UMAD1: variants seen among roughly 807,000 people sequenced by gnomAD.
The protein encoded by UMAD1 is UBAP1-MVB12-associated (UMA)-domain containing protein 1.
A neutral mutation model predicts 6.1 loss-of-function variants in UMAD1; 8 were observed. The observed-to-expected ratio is 1.30, with a 90% confidence interval of 0.76 to 2.35. The LOEUF (loss-of-function observed/expected upper bound fraction) is 2.35, where lower values mean the gene tolerates loss of function less well. Among genes scored for constraint, UMAD1 ranks in the 30% most tolerant of loss-of-function variants. The probability of loss-of-function intolerance (pLI) is 0.00; values close to 1 mark genes in which losing one functional copy is unlikely to be tolerated. For synonymous variants in UMAD1, 56 were observed against 31.4 expected, an observed-to-expected ratio of 1.78 and a Z score of -2.61; for missense variants, 130 against 78.4, an observed-to-expected ratio of 1.66 and a Z score of -2.49.
chr7:7,656,716 T>C (rs573647386), intron 1 of UMAD1, among the ~76,000 whole-genome samples: 1 of 152,380 alleles, frequency 6.6e-6, no homozygotes, highest in South Asian at 2.1e-4. Flanking sequence ...CAGTCTATCA[T>C]TGATCGGCAT....
At chr7:7,647,613 T>C (rs866525779) in intron 1 of UMAD1, among the ~76,000 whole-genome samples, 5 of 152,296 alleles carry the variant, frequency 3.3e-5, no homozygotes, top group Admixed American at 2.0e-4. Flanking sequence ...GCTATATATA[T>C]ACATTTCTTT....
intron 2 of UMAD1, among the ~76,000 whole-genome samples, chr7:7,766,709 C>G (rs972475363): frequency 6.6e-6 from 1 of 152,160 alleles, no homozygotes; most frequent in African/African-American, 2.4e-5. Flanking sequence ...GTTTTAAAAA[C>G]TTACCTAGTA....
At chr7:7,786,470 A>G (rs1343629479) in intron 2 of UMAD1, among the ~76,000 whole-genome samples, 3 of 152,304 alleles carry the variant, frequency 2.0e-5, no homozygotes, top group Non-Finnish European at 4.4e-5. Context: ...AATGTCAACC[A>G]TCATCATTTA....
chr7:7,788,184 A>C (rs1583825380), intron 2 of UMAD1, among the ~76,000 whole-genome samples: 1 of 152,224 alleles, frequency 6.6e-6, no homozygotes, highest in East Asian at 1.9e-4. Flanking sequence ...TAATTAAGTG[A>C]TTGCATATGT....
rs149069903 is a variant in UMAD1, at chr7:7,800,469, G to A, written c.83-1201G>A. Among the ~76,000 whole-genome samples, 409 of 151,916 alleles carry A rather than the reference G, an allele frequency of 2.7e-3. 2 individuals carry two copies. The highest frequency in any genetic ancestry group is 9.5e-3 in the African/African-American group (392 of 41,404). ...TTTTTTTTATTGCAATAGGTTTTGG[G>A]GGAACAGATGGTGTTTGGTACATGA... is the stretch of plus-strand genomic sequence containing the variant. On this transcript the variant is annotated intron_variant, in intron 2 of 3. Transcript: ENST00000682710.
At chr7:7,778,379 T>G (rs528065239) in intron 2 of UMAD1, among the ~76,000 whole-genome samples, 99 of 152,232 alleles carry the variant, frequency 6.5e-4, no homozygotes, top group African/African-American at 2.4e-3. Context: ...TTCATGGTAC[T>G]GTTCTTTCAA....
intron 1 of UMAD1, among the ~76,000 whole-genome samples, chr7:7,662,429 C>G (rs191052566): frequency 3.9e-5 from 6 of 152,258 alleles, no homozygotes; most frequent in African/African-American, 1.4e-4. Context: ...GCTTAAAACC[C>G]AGGTCCGTGG....
chr7:7,864,602 T>TACACACACACACAC (rs59036228), intron 3 of UMAD1, among the ~76,000 whole-genome samples: 13 of 140,246 alleles, frequency 9.3e-5, no homozygotes, highest in South Asian at 2.5e-4. Context: ...ACATGAAAAC[T>TACACACACACACAC]ACACACACAC....
At chr7:7,665,443 A>G (rs755721165) in intron 1 of UMAD1, among the ~76,000 whole-genome samples, 30 of 152,236 alleles carry the variant, frequency 2.0e-4, no homozygotes, top group Non-Finnish European at 4.0e-4. Flanking sequence ...AAAGTGGGTT[A>G]AGAGATTTGA....
Position 7,656,929 on chromosome 7 carries a change from C to T in UMAD1, c.-64+16108C>T, listed in dbSNP as rs185778138. Among the ~76,000 whole-genome samples, 205 of 152,332 alleles carry T rather than the reference C, an allele frequency of 1.3e-3. 2 individuals carry two copies. Among genetic ancestry groups the T allele is most frequent in the African/African-American group, 4.5e-3 (189 of 41,580 alleles). On this transcript the variant is annotated intron_variant, in intron 1 of 3. Coordinates refer to ENST00000682710, the MANE Select transcript of UMAD1 (RefSeq NM_001302348.2). ...TGGTTGAACTAATTTACACTTCCAC[C>T]AACAGTGTTAAAAGCCTTCCTATTT... is the stretch of plus-strand genomic sequence containing the variant.
intron 3 of UMAD1, among the ~76,000 whole-genome samples, chr7:7,846,164 G>A (rs1467315224): frequency 6.6e-6 from 1 of 152,090 alleles, no homozygotes; most frequent in African/African-American, 2.4e-5. Flanking sequence ...GTAAATTGGG[G>A]TTAATACTAT....
chr7:7,682,720 C>T (rs930947038), intron 2 of UMAD1, among the ~76,000 whole-genome samples: 2 of 152,200 alleles, frequency 1.3e-5, no homozygotes, highest in Non-Finnish European at 2.9e-5. Flanking sequence ...CTTACCCTAT[C>T]GCTGTCTCCT....
At position 7,724,606 on chromosome 7, in the gene UMAD1, C is replaced by G. The variant is rs557166181; in HGVS notation, c.82+51153C>G. ...GCAGGGGTGGTGATTCCCACCACAT[C>G]CCCACTCAGCTCTCCTGTTTGGCCT... On this transcript the variant is annotated intron_variant, in intron 2 of 3. Coordinates refer to ENST00000682710, the MANE Select transcript of UMAD1 (RefSeq NM_001302348.2). Among the ~76,000 whole-genome samples the G allele has an allele frequency of 2.6e-5, 4 of 152,294 alleles. No homozygotes were observed. The South Asian group carries it at 8.3e-4, about 32-fold the overall frequency.
At chr7:7,842,462 T>C (rs1053678873) in intron 3 of UMAD1, among the ~76,000 whole-genome samples, 34 of 152,160 alleles carry the variant, frequency 2.2e-4, no homozygotes, top group African/African-American at 8.2e-4. Context: ...GGTCTTAAGA[T>C]GTCTTATTTC....
intron 3 of UMAD1, among the ~76,000 whole-genome samples, chr7:7,851,537 C>T (rs576675611): frequency 8.5e-5 from 13 of 152,240 alleles, no homozygotes; most frequent in African/African-American, 2.4e-4. Context: ...GGGAGTGTTC[C>T]AGTTTCTCCA....
At chr7:7,718,236 G>C (rs1012756689) in intron 2 of UMAD1, among the ~76,000 whole-genome samples, 18 of 152,048 alleles carry the variant, frequency 1.2e-4, no homozygotes, top group Admixed American at 3.9e-4. Context: ...TTATCCCCAA[G>C]GGTATTTTGA....
intron 2 of UMAD1, among the ~76,000 whole-genome samples, chr7:7,742,746 A>G (rs1198662233): frequency 6.6e-6 from 1 of 152,232 alleles, no homozygotes; most frequent in East Asian, 1.9e-4. Flanking sequence ...TTGATTGATG[A>G]GAAAGTTACT....
intron 3 of UMAD1, among the ~76,000 whole-genome samples, chr7:7,807,714 C>A (rs1205819299): frequency 6.6e-6 from 1 of 151,972 alleles, no homozygotes; most frequent in Non-Finnish European, 1.5e-5. Flanking sequence ...TGGAAAACAG[C>A]GTATTTGTAT....
At chr7:7,829,088 T>C (rs1014084161) in intron 3 of UMAD1, among the ~76,000 whole-genome samples, 1 of 152,196 alleles carries the variant, frequency 6.6e-6, no homozygotes, top group African/African-American at 2.4e-5. Context: ...CCCAAACATT[T>C]TCTTGTCAAT....
Sources: gnomAD v4.1 joint callset for allele counts (sites outside exome capture counted in the v4.1 genomes callset) on GRCh38, gnomAD v4.1.1 for gene constraint, MANE v1.5 for transcripts, NCBI Gene and HGNC (gene_info 2026-07-23, HGNC 2026-07-21) for gene names.